Variants in ADK observed in about 807,000 individuals in gnomAD.
The protein encoded by ADK is adenosine kinase.
ADK carries 24 observed loss-of-function variants against 44.7 expected under a neutral mutation model. The ratio of observed to expected loss-of-function variants is 0.54; its 90% CI spans 0.39 to 0.76. The LOEUF (loss-of-function observed/expected upper bound fraction) is 0.76, where lower values mean the gene tolerates loss of function less well. Among genes scored for constraint, ADK ranks in the 30% least tolerant of loss-of-function variants. The probability of loss-of-function intolerance (pLI) is 0.00; values close to 1 mark genes in which losing one functional copy is unlikely to be tolerated. For synonymous variants in ADK, 128 were observed against 142.6 expected, an observed-to-expected ratio of 0.90 and a Z score of 0.73; for missense variants, 321 against 425.1, an observed-to-expected ratio of 0.76 and a Z score of 2.15.
intron 7 of ADK, among the ~76,000 whole-genome samples, chr10:74,532,592 T>C (rs925299647): frequency 3.3e-5 from 5 of 151,952 alleles, no homozygotes; most frequent in Non-Finnish European, 5.9e-5. Flanking sequence ...CAAAATCTGA[T>C]GTCATCTTCA....
At chr10:74,355,038 TC>T (rs1178313174) in intron 4 of ADK, among the ~76,000 whole-genome samples, 2 of 152,184 alleles carry the variant, frequency 1.3e-5, no homozygotes, top group East Asian at 3.8e-4. Context: ...CCCTTCTTCT[TC>T]TTTTTAAAGA....
chr10:74,578,634 A>G (rs1262411244), intron 7 of ADK, among the ~76,000 whole-genome samples: 1 of 152,182 alleles, frequency 6.6e-6, no homozygotes. Context: ...ATCCTAGCAT[A>G]ATGTATTGAT....
At chr10:74,496,247 C>T (rs1847683495) in intron 6 of ADK, among the ~76,000 whole-genome samples, 1 of 152,200 alleles carries the variant, frequency 6.6e-6, no homozygotes, top group Non-Finnish European at 1.5e-5. Flanking sequence ...ACTTGGACTA[C>T]AGGCATGTGC....
At chr10:74,594,642 T>A (rs547553132) in intron 8 of ADK, among the ~76,000 whole-genome samples, 5 of 148,998 alleles carry the variant, frequency 3.4e-5, no homozygotes, top group Non-Finnish European at 7.4e-5. Flanking sequence ...CTGAAAGAGA[T>A]GTATCTTCAA....
chr10:74,225,130 G>A (rs573609935), intron 3 of ADK, among the ~76,000 whole-genome samples: 23 of 152,238 alleles, frequency 1.5e-4, no homozygotes, highest in Middle Eastern at 3.4e-3. Flanking sequence ...TGCTGCCCAG[G>A]CTGGAGGCGC....
intron 3 of ADK, among the ~76,000 whole-genome samples, chr10:74,278,569 A>G (rs1846792034): frequency 6.6e-6 from 1 of 152,164 alleles, no homozygotes; most frequent in African/African-American, 2.4e-5. Context: ...ATCATCTTTT[A>G]GTTTAAAGTT....
At chr10:74,525,902 G>T (rs1278333308) in intron 7 of ADK, among the ~76,000 whole-genome samples, 1 of 151,974 alleles carries the variant, frequency 6.6e-6, no homozygotes, top group Non-Finnish European at 1.5e-5. Context: ...TGATCTGATC[G>T]CCTCAGCCTC....
chr10:74,697,003 A>G (rs937700988), intron 10 of ADK, among the ~76,000 whole-genome samples: 2 of 152,188 alleles, frequency 1.3e-5, no homozygotes, highest in South Asian at 2.1e-4. Flanking sequence ...CAGGTGAACA[A>G]TGTACTACCT....
chr10:74,381,653 T>C (rs1842979407), intron 4 of ADK, among the ~76,000 whole-genome samples: 2 of 152,342 alleles, frequency 1.3e-5, no homozygotes, highest in Non-Finnish European at 2.9e-5. Context: ...TGTGCCCTAA[T>C]GCTAACTGTG....
At chr10:74,369,130 G>A (rs1340932031) in intron 4 of ADK, among the ~76,000 whole-genome samples, 1 of 152,168 alleles carries the variant, frequency 6.6e-6, no homozygotes, top group Non-Finnish European at 1.5e-5. Flanking sequence ...GCCAAGGCAG[G>A]TGGATCGCTC....
chr10:74,624,301 G>T (rs1222086032), intron 9 of ADK, among the ~76,000 whole-genome samples: 2 of 150,416 alleles, frequency 1.3e-5, no homozygotes, highest in Non-Finnish European at 3.0e-5. Context: ...GCTGAGCCTT[G>T]GCCCAGAAAA....
intron 10 of ADK, among the ~76,000 whole-genome samples, chr10:74,703,943 T>G (rs2131794318): frequency 6.6e-6 from 1 of 152,330 alleles, no homozygotes; most frequent in African/African-American, 2.4e-5. Context: ...CAGATGCTTT[T>G]TGTACTATTT....
chr10:74,181,567 G>T (rs958136998), intron 1 of ADK, among the ~76,000 whole-genome samples: 3 of 152,210 alleles, frequency 2.0e-5, no homozygotes, highest in African/African-American at 2.4e-5. Flanking sequence ...TCAGGAGACA[G>T]AGGAAGATGC....
chr10:74,321,192 T>C (rs539380884), intron 4 of ADK, among the ~76,000 whole-genome samples: 1 of 152,232 alleles, frequency 6.6e-6, no homozygotes, highest in Non-Finnish European at 1.5e-5. Flanking sequence ...TTAAATACCA[T>C]CTTATCCTTT....
chr10:74,417,286 A>G (rs1844407190), intron 6 of ADK, among the ~76,000 whole-genome samples: 1 of 152,190 alleles, frequency 6.6e-6, no homozygotes, highest in African/African-American at 2.4e-5. Flanking sequence ...TTTTTCAAAA[A>G]CTGTACATTT....
intron 3 of ADK, among the ~76,000 whole-genome samples, chr10:74,231,340 T>C (rs181750994): frequency 6.6e-6 from 1 of 152,338 alleles, no homozygotes; most frequent in Admixed American, 6.5e-5. Context: ...ATTCAGAATC[T>C]TCATCATTAG....
intron 6 of ADK, among the ~76,000 whole-genome samples, chr10:74,464,970 T>C (rs1409697605): frequency 3.3e-5 from 5 of 152,220 alleles, no homozygotes; most frequent in Non-Finnish European, 7.3e-5. Context: ...TTCTAGGTGG[T>C]GAATTTATAG....
intron 10 of ADK, among the ~76,000 whole-genome samples, chr10:74,690,691 A>C (rs1855962167): frequency 6.6e-6 from 1 of 152,070 alleles, no homozygotes; most frequent in African/African-American, 2.4e-5. Context: ...AGCTCATGTC[A>C]CCTTCTCCAA....
intron 1 of ADK, among the ~76,000 whole-genome samples, chr10:74,177,938 TATATA>T (rs1305290595): frequency 0.011 from 1,079 of 95,434 alleles, 17 homozygotes; most frequent in African/African-American, 0.042. Flanking sequence ...TATATATATA[TATATA>T]TATTTTTTTT....
Sources: allele counts gnomAD v4.1 joint callset (sites outside exome capture counted in the v4.1 genomes callset), GRCh38; gene constraint gnomAD v4.1.1; transcripts MANE v1.5; gene names NCBI Gene and HGNC (gene_info 2026-07-23, HGNC 2026-07-21).